The following MCC variants were observed in gnomAD, a reference collection of about 807,000 sequenced individuals.
MCC encodes colorectal mutant cancer protein.
A neutral mutation model predicts 116.2 loss-of-function variants in MCC; 90 were observed. The observed-to-expected ratio is 0.77, with a 90% CI of 0.65 to 0.92. The LOEUF (loss-of-function observed/expected upper bound fraction) is 0.92. MCC is among the 40% of genes least tolerant of loss of function. The pLI, the probability that MCC is intolerant of heterozygous loss-of-function variation, is 0.00. For missense variants in MCC, 1,516 were observed against 1,312.2 expected (o/e 1.16, Z -2.40); for synonymous variants, 578 against 510.5 (o/e 1.13, Z -1.78).
At chr5:113,177,402 T>C (rs1055540840) in intron 3 of MCC, among the ~76,000 whole-genome samples, 1 of 152,234 alleles carries the variant, frequency 6.6e-6, no homozygotes, top group Non-Finnish European at 1.5e-5. Context: ...TTGGAGGTCA[T>C]TGTGTGCCTT....
chr5:113,118,764 C>T (rs922535480), intron 6 of MCC, among the ~76,000 whole-genome samples: 8 of 151,884 alleles, frequency 5.3e-5, no homozygotes, highest in South Asian at 2.1e-4. Context: ...TGGAAAATGG[C>T]GAAGGAATAA....
chr5:113,465,201 G>GA (rs35831917), intron 1 of MCC, among the ~76,000 whole-genome samples: 29,532 of 126,460 alleles, frequency 0.23, 3,397 homozygotes, highest in Admixed American at 0.36. Flanking sequence ...GGTAGATCAA[G>GA]AAAAAAAAAA....
chr5:113,143,910 A>T (rs1759340235), intron 4 of MCC, among the ~76,000 whole-genome samples: 1 of 152,190 alleles, frequency 6.6e-6, no homozygotes, highest in Non-Finnish European at 1.5e-5. Context: ...TCAACCAAAT[A>T]ATCCTAAATG....
At chr5:113,147,277 T>C (rs1759578292) in intron 4 of MCC, among the ~76,000 whole-genome samples, 1 of 152,222 alleles carries the variant, frequency 6.6e-6, no homozygotes, top group African/African-American at 2.4e-5. Flanking sequence ...ATCCCTGCTA[T>C]GGTGCAATCC....
chr5:113,390,965 T>A (rs931965234), intron 1 of MCC, among the ~76,000 whole-genome samples: 2 of 151,878 alleles, frequency 1.3e-5, no homozygotes. Flanking sequence ...GTTCTACAAA[T>A]ATTGAAAGTA....
intron 2 of MCC, among the ~76,000 whole-genome samples, chr5:113,369,152 T>C (rs929745392): frequency 2.0e-5 from 3 of 152,132 alleles, no homozygotes; most frequent in Non-Finnish European, 4.4e-5. Context: ...ATAGGCATGA[T>C]TGATTATCAC....
chr5:113,199,187 A>G, intron 3 of MCC, among the ~76,000 whole-genome samples: 1 of 151,918 alleles, frequency 6.6e-6, no homozygotes, highest in Admixed American at 6.5e-5. Flanking sequence ...AAAAAAAAAG[A>G]AAGAAATGAA....
intron 11 of MCC, among the ~76,000 whole-genome samples, chr5:113,073,650 T>C (rs559889358): frequency 6.5e-4 from 95 of 146,878 alleles, no homozygotes; most frequent in African/African-American, 2.1e-3. Flanking sequence ...GTTCGCCATA[T>C]GGCTGCTTTT....
chr5:113,233,103 T>G (rs1448191180), intron 3 of MCC, among the ~76,000 whole-genome samples: 1 of 152,140 alleles, frequency 6.6e-6, no homozygotes, highest in Non-Finnish European at 1.5e-5. Flanking sequence ...TCACTAATAT[T>G]AGTGAAGAGA....
intron 3 of MCC, among the ~76,000 whole-genome samples, chr5:113,288,968 C>A (rs184461186): frequency 1.6e-4 from 25 of 152,210 alleles, no homozygotes; most frequent in Non-Finnish European, 2.5e-4. Flanking sequence ...TTACAAACCA[C>A]AAAATGAACA....
intron 3 of MCC, among the ~76,000 whole-genome samples, chr5:113,334,600 T>C (rs1250619147): frequency 6.9e-6 from 1 of 145,526 alleles, no homozygotes; most frequent in Admixed American, 6.8e-5. Context: ...ATTTTTTTTT[T>C]TTTTTTTTGA....
intron 8 of MCC, among the ~76,000 whole-genome samples, chr5:113,097,238 AAAG>A (rs750024240): frequency 3.3e-5 from 5 of 152,208 alleles, no homozygotes; most frequent in Non-Finnish European, 5.9e-5. Context: ...TAAAGAGGAC[AAAG>A]AAGAAAAAAA....
Position 113,027,146 on chromosome 5 carries a change from C to T in MCC, c.*156G>A. On this transcript the variant is annotated 3_prime_UTR_variant, in exon 19 of 19. Coordinates refer to ENST00000408903, the MANE Select transcript of MCC (RefSeq NM_001085377.2). The stretch of plus-strand genomic sequence containing the variant: ...CACAATGTCACCATGGCCAGTCGCC[C>T]CAAGGGTTGAGTTGGGGCACTCCAT... The T allele has an allele frequency of 1.4e-6, 1 of 704,818 alleles. No homozygotes were observed. Among genetic ancestry groups the T allele is most frequent in the South Asian group, 1.9e-5 (1 of 52,414 alleles). The allele number at this position is 704,818 out of a possible 1,614,324, so 43.7% of individuals were successfully genotyped here.
At chr5:113,339,088 G>C (rs1767939271) in intron 3 of MCC, among the ~76,000 whole-genome samples, 1 of 151,760 alleles carries the variant, frequency 6.6e-6, no homozygotes, top group Non-Finnish European at 1.5e-5. Context: ...AATTAGCCAG[G>C]TGTGGCAGGT....
chr5:113,217,543 A>G (rs140180051), intron 3 of MCC, among the ~76,000 whole-genome samples: 242 of 152,320 alleles, frequency 1.6e-3, no homozygotes, highest in Non-Finnish European at 3.0e-3. Flanking sequence ...GTATGCATCA[A>G]AACAAAAACA....
At chr5:113,235,902 A>C (rs1360973504) in intron 3 of MCC, among the ~76,000 whole-genome samples, 1 of 152,174 alleles carries the variant, frequency 6.6e-6, no homozygotes, top group Non-Finnish European at 1.5e-5. Context: ...TGCCTCCTTG[A>C]CCTGATTTTG....
intron 1 of MCC, among the ~76,000 whole-genome samples, chr5:113,470,983 G>C (rs958414320): frequency 6.6e-6 from 1 of 152,240 alleles, no homozygotes; most frequent in South Asian, 2.1e-4. Flanking sequence ...GGCTACTAAG[G>C]CTTCTGCCTT....
intron 1 of MCC, among the ~76,000 whole-genome samples, chr5:113,386,607 A>G (rs1424691203): frequency 6.6e-6 from 1 of 152,174 alleles, no homozygotes; most frequent in African/African-American, 2.4e-5. Context: ...AGACCTTTCA[A>G]TTTATGCCAG....
chr5:113,426,172 A>G (rs1038386704), intron 1 of MCC, among the ~76,000 whole-genome samples: 4 of 152,162 alleles, frequency 2.6e-5, no homozygotes, highest in South Asian at 2.1e-4. Context: ...TGCCAATGCA[A>G]GCAGATGCTG....
Sources: gnomAD v4.1 joint callset for allele counts (sites outside exome capture counted in the v4.1 genomes callset) on GRCh38, gnomAD v4.1.1 for gene constraint, MANE v1.5 for transcripts, NCBI Gene and HGNC (gene_info 2026-07-23, HGNC 2026-07-21) for gene names.